Variants in DLGAP2 observed in about 807,000 individuals in gnomAD.
The protein encoded by DLGAP2 is disks large-associated protein 2.
A neutral mutation model predicts 100.3 loss-of-function variants in DLGAP2; 26 were observed. The ratio of observed to expected loss-of-function variants is 0.26; its 90% confidence interval spans 0.19 to 0.36. The LOEUF is 0.36. DLGAP2 is among the 10% of genes least tolerant of loss of function. The pLI is 1.00. For missense variants in DLGAP2, 1,858 were observed against 1,453.2 expected, an observed-to-expected ratio of 1.28 and a Z score of -4.53; for synonymous variants, 886 against 630.1, an observed-to-expected ratio of 1.41 and a Z score of -6.08.
chr8:739,330 C>CT (rs1820421386), intron 1 of DLGAP2: 1 of 152,306 alleles, frequency 6.6e-6, no homozygotes, highest in Non-Finnish European at 1.5e-5. Flanking sequence ...ACAATCCGCC[C>CT]TGTCAGGAGG....
chr8:1,477,403 C>T (rs893336308), intron 3 of DLGAP2, among the ~76,000 whole-genome samples: 1 of 152,218 alleles, frequency 6.6e-6, no homozygotes, highest in African/African-American at 2.4e-5. Flanking sequence ...ACCAGCCTCT[C>T]TCCCCACCCC....
chr8:1,464,752 C>T (rs1261213999), intron 3 of DLGAP2, among the ~76,000 whole-genome samples: 1 of 152,220 alleles, frequency 6.6e-6, no homozygotes, highest in Non-Finnish European at 1.5e-5. Context: ...GGCTCACTGC[C>T]TCACGCCTCA....
intron 6 of DLGAP2, among the ~76,000 whole-genome samples, chr8:1,601,398 G>A (rs568937805): frequency 6.6e-5 from 10 of 152,334 alleles, no homozygotes; most frequent in South Asian, 4.1e-4. Flanking sequence ...GAGCTCGAGC[G>A]CTGTGCTGGG....
chr8:1,283,128 G>T (rs1799852737), intron 3 of DLGAP2, among the ~76,000 whole-genome samples: 1 of 148,950 alleles, frequency 6.7e-6, no homozygotes, highest in Non-Finnish European at 1.5e-5. Flanking sequence ...TCCGGACATG[G>T]TGTGACCTGA....
chr8:1,412,441 A>C (rs146098109), intron 3 of DLGAP2, among the ~76,000 whole-genome samples: 1 of 152,204 alleles, frequency 6.6e-6, no homozygotes, highest in African/African-American at 2.4e-5. Flanking sequence ...TGCTAAATGC[A>C]TGCATGCATC....
chr8:1,153,183 C>A (rs1169794078), intron 2 of DLGAP2, among the ~76,000 whole-genome samples: 1 of 152,096 alleles, frequency 6.6e-6, no homozygotes, highest in Non-Finnish European at 1.5e-5. Flanking sequence ...AGGCTCCGAG[C>A]GGTGTGGCAG....
intron 3 of DLGAP2, among the ~76,000 whole-genome samples, chr8:1,306,542 C>A (rs1585243268): frequency 6.6e-6 from 1 of 152,164 alleles, no homozygotes; most frequent in African/African-American, 2.4e-5. Context: ...GAAAAATCCA[C>A]CCTAAAATTT....
intron 5 of DLGAP2, among the ~76,000 whole-genome samples, chr8:1,556,822 CT>C (rs1445741711): frequency 2.0e-5 from 3 of 152,216 alleles, no homozygotes; most frequent in Non-Finnish European, 2.9e-5. Flanking sequence ...CCCACCCAAG[CT>C]AAATTGTTGT....
chr8:1,699,282 T>A (rs1799502517), intron 14 of DLGAP2, among the ~76,000 whole-genome samples: 2 of 152,014 alleles, frequency 1.3e-5, no homozygotes, highest in African/African-American at 4.8e-5. Context: ...CCATCCTGGC[T>A]AACACGGTGA....
chr8:1,566,802 C>T (rs1010011991), intron 6 of DLGAP2, among the ~76,000 whole-genome samples: 3 of 152,230 alleles, frequency 2.0e-5, no homozygotes, highest in Non-Finnish European at 4.4e-5. Context: ...TCGCTGTTGG[C>T]TTACAAGATG....
chr8:935,842 A>G (rs560302476), intron 2 of DLGAP2, among the ~76,000 whole-genome samples: 24 of 152,146 alleles, frequency 1.6e-4, no homozygotes, highest in Non-Finnish European at 2.9e-4. Context: ...TTCAGGGAGT[A>G]TGAGTGTTTA....
intron 1 of DLGAP2, among the ~76,000 whole-genome samples, chr8:862,718 G>A (rs554179859): frequency 6.6e-6 from 1 of 152,272 alleles, no homozygotes; most frequent in East Asian, 1.9e-4. Flanking sequence ...CCGTTACTTG[G>A]AACCTCAGGT....
chr8:993,701 C>T (rs1800696656), intron 2 of DLGAP2, among the ~76,000 whole-genome samples: 1 of 151,012 alleles, frequency 6.6e-6, no homozygotes, highest in Non-Finnish European at 1.5e-5. Context: ...TCGTGCCTCT[C>T]AGGGATATTT....
chr8:866,822 C>T (rs538230511), intron 1 of DLGAP2, among the ~76,000 whole-genome samples: 6 of 152,322 alleles, frequency 3.9e-5, no homozygotes, highest in African/African-American at 1.4e-4. Flanking sequence ...ATTCCAGGTC[C>T]CCTGGGCCTT....
chr8:890,173 C>T (rs1223776138), intron 1 of DLGAP2, among the ~76,000 whole-genome samples: 1 of 152,174 alleles, frequency 6.6e-6, no homozygotes, highest in African/African-American at 2.4e-5. Context: ...AGCCTCCAAA[C>T]GGCTCTGCTT....
At chr8:1,284,999 T>C (rs1248010773) in intron 3 of DLGAP2, among the ~76,000 whole-genome samples, 1 of 152,256 alleles carries the variant, frequency 6.6e-6, no homozygotes, top group Admixed American at 6.5e-5. Context: ...TGGCTCCACC[T>C]GCATCCCGAT....
chr8:1,322,558 C>G (rs1425918101), intron 3 of DLGAP2, among the ~76,000 whole-genome samples: 2 of 152,166 alleles, frequency 1.3e-5, no homozygotes, highest in Non-Finnish European at 2.9e-5. Context: ...CATCCTGCTT[C>G]TGTGATTTCA....
In DLGAP2 at chr8:1,061,152, C is replaced by T. The variant is rs367573307; in HGVS notation, c.73+153186C>T. 1.6e-3 allele frequency among the ~76,000 whole-genome samples: 247 copies of T among 152,294 alleles called. 1 individual carries two copies. The highest frequency in any genetic ancestry group is 4.7e-3 in the African/African-American group (194 of 41,564). The stretch of plus-strand genomic sequence containing the variant: ...TTCTCATCTGATTTGGTAGACCTGG[C>T]GCTGTCCTTTGCCAGCCAGCCTTGT... On this transcript the variant is annotated intron_variant, in intron 2 of 14. Transcript: ENST00000637795.
At chr8:1,311,849 C>G (rs1460342238) in intron 3 of DLGAP2, among the ~76,000 whole-genome samples, 1 of 152,218 alleles carries the variant, frequency 6.6e-6, no homozygotes, top group Non-Finnish European at 1.5e-5. Context: ...CAAGAAGACA[C>G]AGCAATCCTT....
Sources: gnomAD v4.1 joint callset for allele counts (sites outside exome capture counted in the v4.1 genomes callset) on GRCh38, gnomAD v4.1.1 for gene constraint, MANE v1.5 for transcripts, NCBI Gene and HGNC (gene_info 2026-07-23, HGNC 2026-07-21) for gene names.